Variants in SLC16A10 observed in about 807,000 individuals in gnomAD.
SLC16A10 encodes the protein monocarboxylate transporter 10.
Under a neutral mutation model 40.0 loss-of-function variants are expected in SLC16A10, and 27 were observed. That is an observed-to-expected ratio of 0.67 (90% CI 0.50 to 0.93). The LOEUF is 0.93. Among genes scored for constraint, SLC16A10 ranks in the 40% least tolerant of loss-of-function variants. The pLI is 0.00. For synonymous variants in SLC16A10, 213 were observed against 249.8 expected (o/e 0.85, Z 1.39); for missense variants, 529 against 658.2 (o/e 0.80, Z 2.15).
chr6:111,127,775 G>A (rs1372197897), intron 1 of SLC16A10, among the ~76,000 whole-genome samples: 1 of 152,148 alleles, frequency 6.6e-6, no homozygotes. Flanking sequence ...CTAACAGTCC[G>A]AAGGGGCATG....
chr6:111,114,269 C>T lies in SLC16A10; in HGVS notation c.343+26174C>T, dbSNP rs548237928. 8.5e-5 allele frequency among the ~76,000 whole-genome samples: 13 copies of T among 152,278 alleles called. No individual in the cohort carries two copies. In the South Asian group the frequency reaches 1.0e-3, roughly 12 times the overall value. ...CGTTAAAGATGTTCCATACATGTGA[C>T]TACATTGGTAAATCTCAAAAACATC... is the stretch of plus-strand genomic sequence containing the variant. On this transcript the variant is annotated intron_variant, in intron 1 of 5. Coordinates refer to ENST00000368851, the MANE Select transcript of SLC16A10 (RefSeq NM_018593.5).
intron 1 of SLC16A10, among the ~76,000 whole-genome samples, chr6:111,154,001 A>G (rs990614193): frequency 6.6e-6 from 1 of 152,226 alleles, no homozygotes; most frequent in Admixed American, 6.5e-5. Flanking sequence ...AGATGTTTGA[A>G]GGGGATCTAA....
intron 1 of SLC16A10, among the ~76,000 whole-genome samples, chr6:111,167,451 C>T (rs554451814): frequency 6.4e-4 from 97 of 152,112 alleles, no homozygotes; most frequent in African/African-American, 2.2e-3. Flanking sequence ...AACATGCCCT[C>T]CTAGTGGGCA....
At position 111,087,794 on chromosome 6, in the gene SLC16A10, G is replaced by T. The variant is rs1206068464; in HGVS notation, c.42G>T (p.Thr14=). 1 of 1,261,866 alleles carries T rather than the reference G, an allele frequency of 7.9e-7. No homozygotes were observed. Among genetic ancestry groups the T allele is most frequent in the Non-Finnish European group, 9.9e-7 (1 of 1,009,082 alleles). The allele number at this position is 1,261,866 out of a possible 1,614,324, so 78.2% of individuals were successfully genotyped here. The change falls in exon 1 of 6, where the codon ACG becomes ACT. Residue 14 remains threonine (T), a synonymous_variant. Transcript: ENST00000368851. The part of the protein sequence containing the change: ...SQEEPDSARG[T]SEAQPLGPAP... ...AGGAGCCGGACTCCGCGCGGGGCAC[G>T]AGCGAGGCGCAGCCGCTCGGCCCCG...
At chr6:111,096,529 T>A (rs919766695) in intron 1 of SLC16A10, among the ~76,000 whole-genome samples, 1 of 152,164 alleles carries the variant, frequency 6.6e-6, no homozygotes, top group Non-Finnish European at 1.5e-5. Flanking sequence ...GCTGGAGGAA[T>A]GGAGGAAAGC....
intron 1 of SLC16A10, among the ~76,000 whole-genome samples, chr6:111,103,825 C>G (rs1319293180): frequency 6.6e-6 from 1 of 152,058 alleles, no homozygotes; most frequent in Non-Finnish European, 1.5e-5. Flanking sequence ...AAGGCCTGGG[C>G]AAGGGTTGGG....
At chr6:111,132,411 G>A (rs949910558) in intron 1 of SLC16A10, among the ~76,000 whole-genome samples, 3 of 152,296 alleles carry the variant, frequency 2.0e-5, no homozygotes, top group Non-Finnish European at 2.9e-5. Context: ...AAACAAGGGG[G>A]TAGCCCAAAA....
intron 1 of SLC16A10, among the ~76,000 whole-genome samples, chr6:111,153,923 G>A (rs1027336956): frequency 2.0e-5 from 3 of 152,188 alleles, no homozygotes; most frequent in Non-Finnish European, 2.9e-5. Flanking sequence ...GGTTTCTGCA[G>A]TTAACAAAAG....
At chr6:111,221,932 C>G in intron 5 of SLC16A10, 71 bp from the exon 6 acceptor site, 1 of 1,437,508 alleles carries the variant, frequency 7.0e-7, no homozygotes, top group Non-Finnish European at 9.4e-7. Flanking sequence ...CTGAATCAGT[C>G]CTGTGGCTGA....
At chr6:111,144,159 G>A (rs1032573745) in intron 1 of SLC16A10, among the ~76,000 whole-genome samples, 36 of 151,920 alleles carry the variant, frequency 2.4e-4, no homozygotes, top group African/African-American at 8.2e-4. Flanking sequence ...AAAAAAAAAG[G>A]TCTTAAAAAA....
At chr6:111,094,891 T>C (rs1264881026) in intron 1 of SLC16A10, among the ~76,000 whole-genome samples, 1 of 152,202 alleles carries the variant, frequency 6.6e-6, no homozygotes, top group East Asian at 1.9e-4. Flanking sequence ...CCCTCCTGCC[T>C]CAACTTCCCA....
In SLC16A10 at chr6:111,180,681, T is replaced by C. The variant is rs182939795; in HGVS notation, c.942+3016T>C. Among the ~76,000 whole-genome samples the C allele has an allele frequency of 2.6e-3, 388 of 151,876 alleles. 2 individuals carry two copies. Among genetic ancestry groups the C allele is most frequent in the African/African-American group, 8.9e-3 (367 of 41,404 alleles). On this transcript the variant is annotated intron_variant, in intron 3 of 5. Transcript: ENST00000368851. ...AAAGAGCCAGATGTGGTGGTACACA[T>C]CTGTAGTCCTAACTACTCAGGAGGC...
At chr6:111,098,231 G>C (rs1047324218) in intron 1 of SLC16A10, among the ~76,000 whole-genome samples, 1 of 152,008 alleles carries the variant, frequency 6.6e-6, no homozygotes, top group African/African-American at 2.4e-5. Flanking sequence ...GCTTGAACCC[G>C]CGAGTTGGAG....
chr6:111,110,871 C>T (rs1771372702), intron 1 of SLC16A10, among the ~76,000 whole-genome samples: 1 of 152,078 alleles, frequency 6.6e-6, no homozygotes, highest in African/African-American at 2.4e-5. Context: ...TATAGCTTCT[C>T]TCATATAGTA....
intron 1 of SLC16A10, among the ~76,000 whole-genome samples, chr6:111,128,796 G>A (rs1317625779): frequency 2.6e-5 from 4 of 151,726 alleles, no homozygotes; most frequent in African/African-American, 9.7e-5. Context: ...ATAAAAATTT[G>A]TAAATCAAGA....
intron 1 of SLC16A10, among the ~76,000 whole-genome samples, chr6:111,162,339 A>G (rs1314010069): frequency 5.3e-5 from 8 of 152,178 alleles, no homozygotes; most frequent in African/African-American, 1.7e-4. Context: ...TCAAATACCT[A>G]TGAGTTGGGT....
chr6:111,141,076 C>T (rs1270962682), intron 1 of SLC16A10, among the ~76,000 whole-genome samples: 1 of 152,136 alleles, frequency 6.6e-6, no homozygotes, highest in Non-Finnish European at 1.5e-5. Context: ...AAGGTGGGAG[C>T]CACTATACCC....
chr6:111,206,506 A>T, intron 3 of SLC16A10, 86 bp from the exon 4 acceptor site: 1 of 1,458,782 alleles, frequency 6.9e-7, no homozygotes, highest in Non-Finnish European at 9.5e-7. Flanking sequence ...AACATTGCAG[A>T]GAAGCAAATG....
At position 111,226,058 on chromosome 6, in the gene SLC16A10, C is replaced by T. The variant is rs1170688363; in HGVS notation, c.*3823C>T. ...CCTTCGACTTAGTTCTAATGATCTA[C>T]ATTGAATTTAAATTACATGACTGAA... On this transcript the variant is annotated 3_prime_UTR_variant, in exon 6 of 6. Transcript: ENST00000368851. 1 of 151,964 alleles carries T rather than the reference C, an allele frequency of 6.6e-6. No individual in the cohort carries two copies. The highest frequency in any genetic ancestry group is 6.6e-5 in the Admixed American group (1 of 15,252). 9.4% of individuals were successfully genotyped at this position (151,964 alleles called of 1,614,324 possible). A position where few individuals can be genotyped will look rare whatever the true frequency, so the allele number is the denominator to read the frequency against.
Sources: gnomAD v4.1 joint callset for allele counts (sites outside exome capture counted in the v4.1 genomes callset) on GRCh38, gnomAD v4.1.1 for gene constraint, MANE v1.5 for transcripts, NCBI Gene and HGNC (gene_info 2026-07-23, HGNC 2026-07-21) for gene names.